The following F13A1 variants were observed in gnomAD, a reference collection of about 807,000 sequenced individuals.
F13A1 encodes the protein coagulation factor XIII A chain, also known as FSF, A subunit.
F13A1 carries 47 observed loss-of-function variants against 80.1 expected under a neutral mutation model. The observed-to-expected ratio is 0.59, with a 90% CI of 0.46 to 0.75. F13A1 has a LOEUF of 0.75. Ranked by LOEUF, F13A1 falls within the 30% of genes least tolerant of loss-of-function variation. The pLI is 0.00. For synonymous variants in F13A1, 349 were observed against 344.9 expected (o/e 1.01, Z -0.13); for missense variants, 817 against 930.4 (o/e 0.88, Z 1.59).
chr6:6,156,366 A>G (rs972980136), intron 13 of F13A1, among the ~76,000 whole-genome samples: 2 of 152,222 alleles, frequency 1.3e-5, no homozygotes, highest in Non-Finnish European at 1.5e-5. Context: ...AAATCACAAG[A>G]TATCTTCCAC....
At chr6:6,228,061 A>G (rs1757300936) in intron 6 of F13A1, among the ~76,000 whole-genome samples, 1 of 152,210 alleles carries the variant, frequency 6.6e-6, no homozygotes, top group Non-Finnish European at 1.5e-5. Context: ...TTCATGCCAC[A>G]GTTGGCTGTT....
At chr6:6,257,873 G>A (rs1290892434) in intron 4 of F13A1, among the ~76,000 whole-genome samples, 3 of 152,164 alleles carry the variant, frequency 2.0e-5, no homozygotes, top group African/African-American at 7.2e-5. Context: ...TATTCATGAA[G>A]CAATTCTACA....
At chr6:6,200,476 G>A (rs1036153969) in intron 8 of F13A1, among the ~76,000 whole-genome samples, 7 of 151,606 alleles carry the variant, frequency 4.6e-5, no homozygotes, top group South Asian at 2.1e-4. Flanking sequence ...ACTTGAGCCC[G>A]GGAGATCAAG....
At chr6:6,294,968 C>T (rs1438067249) in intron 3 of F13A1, among the ~76,000 whole-genome samples, 1 of 144,202 alleles carries the variant, frequency 6.9e-6, no homozygotes. Flanking sequence ...TTGTTCAATT[C>T]CCACCTGTGA....
chr6:6,224,404 A>G (rs3024397), intron 7 of F13A1, among the ~76,000 whole-genome samples: 233 of 152,186 alleles, frequency 1.5e-3, no homozygotes, highest in African/African-American at 5.4e-3. Context: ...TTTTTTCTCT[A>G]TATTTTTACT....
intron 3 of F13A1, among the ~76,000 whole-genome samples, chr6:6,277,437 T>TAA (rs1211095760): frequency 6.6e-6 from 1 of 151,802 alleles, no homozygotes; most frequent in East Asian, 2.0e-4. Context: ...AGGCAAGGAT[T>TAA]AAGTCATGAA....
intron 8 of F13A1, among the ~76,000 whole-genome samples, chr6:6,218,109 C>T (rs998835407): frequency 2.6e-5 from 4 of 152,178 alleles, no homozygotes; most frequent in African/African-American, 9.7e-5. Flanking sequence ...TATCAGACCA[C>T]ACTCTCTCCA....
At chr6:6,269,705 TTTG>T (rs1757895312) in intron 3 of F13A1, among the ~76,000 whole-genome samples, 1 of 151,884 alleles carries the variant, frequency 6.6e-6, no homozygotes, top group Admixed American at 6.6e-5. Flanking sequence ...TGTTTTTTTT[TTTG>T]TTTGTTTTAT....
chr6:6,176,760 C>T (rs760636615), intron 11 of F13A1, among the ~76,000 whole-genome samples: 69 of 152,162 alleles, frequency 4.5e-4, no homozygotes, highest in East Asian at 1.9e-4. Context: ...ACTTTGGATG[C>T]GGGCCAGAGA....
At chr6:6,188,040 C>G (rs765606386) in intron 10 of F13A1, among the ~76,000 whole-genome samples, 16,446 of 148,322 alleles carry the variant, frequency 0.11, 1,340 homozygotes, top group Non-Finnish European at 0.17. Context: ...TCTGATGGTA[C>G]TTTGTATTTC....
At chr6:6,234,413 C>T (rs916818037) in intron 6 of F13A1, among the ~76,000 whole-genome samples, 6 of 151,926 alleles carry the variant, frequency 3.9e-5, no homozygotes, top group Non-Finnish European at 7.4e-5. Context: ...ACTATTAATA[C>T]TTGAAAGTGA....
At chr6:6,294,703 G>T (rs1758292155) in intron 3 of F13A1, among the ~76,000 whole-genome samples, 1 of 150,506 alleles carries the variant, frequency 6.6e-6, no homozygotes, top group African/African-American at 2.5e-5. Flanking sequence ...AAGATGTACT[G>T]GTAGAGATTC....
At position 6,222,141 on chromosome 6, in the gene F13A1, A is replaced by G; in HGVS notation, c.1004T>C (p.Ile335Thr). Residue 335 changes from isoleucine to threonine, a missense_variant, in exon 8 of 15, where the codon ATT becomes ACT. Physicochemically the swap from Ile to Thr is moderately conservative, Grantham distance 89. Transcript: ENST00000264870. The part of the protein sequence containing the change: ...FLRCLGIPAR[I>T]VTNYFSAHDN... ...ATGGGCAGAGAAATAATTGGTAACA[A>G]TTCTTGCTGGTATTCCAAGGCATCG... The G allele has an allele frequency of 6.2e-7, 1 of 1,614,084 alleles. No individual in the cohort carries two copies. The highest frequency in any genetic ancestry group is 8.5e-7 in the Non-Finnish European group (1 of 1,179,930).
At chr6:6,187,245 T>C (rs146384564) in intron 10 of F13A1, among the ~76,000 whole-genome samples, 40,700 of 80,334 alleles carry the variant, frequency 0.51, 12,348 homozygotes, top group African/African-American at 0.73. Context: ...CTGGCCAGAA[T>C]TTCCAACACT....
Position 6,224,842 on chromosome 6 carries a change from C to T in F13A1, c.817G>A (p.Glu273Lys), listed in dbSNP as rs761188694. ...TCCCAGGATCCAACGAGGACACCTTCGTCATCTTTGGCATTCACCTAAATG... is the reference window on the plus strand; with the variant it reads ...TCCCAGGATCCAACGAGGACACCTTTGTCATCTTTGGCATTCACCTAAATG... ...GSAMVNAKDD[E>K]GVLVGSWDNI... Residue 273 changes from glutamate (E) to lysine (K), a missense_variant, in exon 7 of 15, where the codon GAA becomes AAA. Transcript: ENST00000264870. 40 of 1,613,886 alleles carry T rather than the reference C, an allele frequency of 2.5e-5. No individual in the cohort carries two copies. The highest frequency in any genetic ancestry group is 1.0e-4 in the Admixed American group (6 of 59,988).
chr6:6,160,876 T>G (rs6927469), intron 13 of F13A1, among the ~76,000 whole-genome samples: 26,936 of 151,614 alleles, frequency 0.18, 2,688 homozygotes, highest in Non-Finnish European at 0.23. Context: ...TTGAAAAATT[T>G]GGAGACATCT....
intron 13 of F13A1, among the ~76,000 whole-genome samples, chr6:6,165,084 T>G (rs1423534871): frequency 1.3e-5 from 2 of 152,192 alleles, no homozygotes; most frequent in Non-Finnish European, 2.9e-5. Context: ...TGATGCCCCA[T>G]TCCACCTTTT....
chr6:6,303,093 A>G (rs536433396), intron 3 of F13A1, among the ~76,000 whole-genome samples: 1 of 152,340 alleles, frequency 6.6e-6, no homozygotes, highest in Admixed American at 6.5e-5. Flanking sequence ...TTCTTACTTC[A>G]TGAAACCAAC....
intron 13 of F13A1, among the ~76,000 whole-genome samples, chr6:6,164,185 GA>G (rs887807065): frequency 1.5e-4 from 23 of 150,660 alleles, no homozygotes; most frequent in South Asian, 8.4e-4. Flanking sequence ...ACAAGCATAT[GA>G]AAAAAAAAGC....
Sources: gnomAD v4.1 joint callset for allele counts (sites outside exome capture counted in the v4.1 genomes callset) on GRCh38, gnomAD v4.1.1 for gene constraint, MANE v1.5 for transcripts, NCBI Gene and HGNC (gene_info 2026-07-23, HGNC 2026-07-21) for gene names.